Variants in APC observed in about 807,000 individuals in gnomAD.
The protein encoded by APC is APC regulator of Wnt signaling pathway, also known as adenomatous polyposis coli protein.
Under a neutral mutation model 247.0 loss-of-function variants are expected in APC, and 72 were observed. The ratio of observed to expected loss-of-function variants is 0.29; its 90% CI spans 0.24 to 0.35. The LOEUF is 0.35. Among genes scored for constraint, APC ranks in the 10% least tolerant of loss-of-function variants. APC has a pLI of 1.00. For missense variants in APC, 3,400 were observed against 3,360.7 expected, an observed-to-expected ratio of 1.01 and a Z score of -0.29; for synonymous variants, 1,254 against 1,162.5, an observed-to-expected ratio of 1.08 and a Z score of -1.60.
chr5:112,707,647 C>T lies in APC; in HGVS notation c.-71C>T, dbSNP rs544132569. On this transcript the variant is annotated 5_prime_UTR_variant, in exon 1 of 14. Transcript: ENST00000507379. ...ACCGAGGTTGGCTCGATGCTGTTCC[C>T]AGGTACTGTTGTTGGCTGTTGGTGA... The T allele has an allele frequency of 1.5e-6, 2 of 1,361,026 alleles. No individual in the cohort carries two copies. Among genetic ancestry groups the T allele is most frequent in the Admixed American group, 2.2e-5 (1 of 45,980 alleles). The allele number at this position is 1,361,026 out of a possible 1,614,324, so 84.3% of individuals were successfully genotyped here.
At chr5:112,720,793 A>G (rs780742550) in intron 1 of APC, among the ~76,000 whole-genome samples, 3 of 152,190 alleles carry the variant, frequency 2.0e-5, no homozygotes, top group Non-Finnish European at 2.9e-5. Context: ...TTTAAAGTGA[A>G]ACCAGCTAGC....
intron 4 of APC, among the ~76,000 whole-genome samples, chr5:112,771,758 T>A (rs528852022): frequency 2.0e-4 from 31 of 152,340 alleles, no homozygotes; most frequent in African/African-American, 7.5e-4. Context: ...GTTATATTAC[T>A]TCTTTGATGA....
chr5:112,744,493 A>C (rs1030117487), intron 1 of APC, among the ~76,000 whole-genome samples: 2 of 152,194 alleles, frequency 1.3e-5, no homozygotes. Flanking sequence ...AAAACACCCC[A>C]AGGTAAAATG....
At chr5:112,747,695 A>G (rs887831054) in intron 1 of APC, among the ~76,000 whole-genome samples, 1 of 152,244 alleles carries the variant, frequency 6.6e-6, no homozygotes, top group Non-Finnish European at 1.5e-5. Flanking sequence ...TCAAATTGAC[A>G]TTGTAACAAG....
At chr5:112,710,500 T>C (rs1402239481) in intron 1 of APC, among the ~76,000 whole-genome samples, 1 of 152,176 alleles carries the variant, frequency 6.6e-6, no homozygotes, top group Non-Finnish European at 1.5e-5. Flanking sequence ...TTTCTTTCTC[T>C]AGAAACTGTC....
chr5:112,735,760 T>C (rs930683578), upstream of APC, among the ~76,000 whole-genome samples: 1 of 152,186 alleles, frequency 6.6e-6, no homozygotes, highest in African/African-American at 2.4e-5. Flanking sequence ...TACTGAGTAA[T>C]TGGCAACATA....
At chr5:112,837,503 C>G (rs1431780021) in intron 15 of APC, 50 bp from the exon 16 acceptor site, 1 of 1,350,966 alleles carries the variant, frequency 7.4e-7, no homozygotes, top group South Asian at 1.2e-5. Flanking sequence ...TTTGTTGTTA[C>G]TGCATACACA....
intron 11 of APC, among the ~76,000 whole-genome samples, chr5:112,825,381 G>A (rs909580996): frequency 9.9e-5 from 15 of 152,166 alleles, no homozygotes; most frequent in African/African-American, 2.2e-4. Context: ...CTTTTTCTGC[G>A]TAAAATCTTT....
At chr5:112,811,602 C>G (rs1761989571) in intron 8 of APC, among the ~76,000 whole-genome samples, 1 of 152,084 alleles carries the variant, frequency 6.6e-6, no homozygotes, top group African/African-American at 2.4e-5. Flanking sequence ...AATCCAGGAG[C>G]TATATAGGAA....
chr5:112,718,249 T>C (rs1666416931), intron 1 of APC, among the ~76,000 whole-genome samples: 1 of 152,144 alleles, frequency 6.6e-6, no homozygotes, highest in African/African-American at 2.4e-5. Flanking sequence ...TTCAGTTGTG[T>C]TGTAGAAATA....
chr5:112,811,473 C>G (rs1761975614), intron 8 of APC, among the ~76,000 whole-genome samples: 1 of 152,192 alleles, frequency 6.6e-6, no homozygotes, highest in Non-Finnish European at 1.5e-5. Flanking sequence ...AAGAAAGACT[C>G]TCATGGACCA....
intron 8 of APC, among the ~76,000 whole-genome samples, chr5:112,809,093 T>C (rs1580484447): frequency 6.6e-6 from 1 of 152,112 alleles, no homozygotes; most frequent in African/African-American, 2.4e-5. Context: ...AGCTCATGCC[T>C]GTAATCCCAG....
intron 8 of APC, among the ~76,000 whole-genome samples, chr5:112,806,836 C>A (rs2149730577): frequency 6.6e-6 from 1 of 152,176 alleles, no homozygotes; most frequent in Non-Finnish European, 1.5e-5. Context: ...CATTGGCCTC[C>A]CAAAGTGCTA....
chr5:112,778,131 T>C (rs2149627566), intron 5 of APC: 1 of 211,078 alleles, frequency 4.7e-6, no homozygotes. Context: ...TTCATCTTTT[T>C]TACTCTTTCC....
At chr5:112,713,517 A>T (rs780162718) in intron 1 of APC, among the ~76,000 whole-genome samples, 9 of 152,184 alleles carry the variant, frequency 5.9e-5, no homozygotes, top group Non-Finnish European at 1.3e-4. Flanking sequence ...TCAGTCTAGG[A>T]AGAGGGTAAG....
intron 8 of APC, among the ~76,000 whole-genome samples, chr5:112,808,451 TTTTG>T: frequency 6.6e-6 from 1 of 151,672 alleles, no homozygotes; most frequent in East Asian, 2.0e-4. Flanking sequence ...TTTTCTGGGG[TTTTG>T]TTTTTGTTTT....
At chr5:112,768,392 C>T (rs1213657237) in intron 4 of APC, among the ~76,000 whole-genome samples, 1 of 150,336 alleles carries the variant, frequency 6.7e-6, no homozygotes, top group Non-Finnish European at 1.5e-5. Flanking sequence ...AAAGTAGTAA[C>T]TGGATTTTTA....
At chr5:112,738,995 G>T (rs145928269) in intron 1 of APC, among the ~76,000 whole-genome samples, 1 of 152,110 alleles carries the variant, frequency 6.6e-6, no homozygotes, top group East Asian at 1.9e-4. Flanking sequence ...ACTTTACAAC[G>T]TAAATTACTT....
intron 4 of APC, among the ~76,000 whole-genome samples, chr5:112,768,297 G>A (rs966822542): frequency 4.0e-5 from 6 of 150,470 alleles, no homozygotes; most frequent in South Asian, 4.2e-4. Flanking sequence ...CCCCTGCCTC[G>A]GCCTTCTAAA....
Sources: gnomAD v4.1 joint callset for allele counts (sites outside exome capture counted in the v4.1 genomes callset) on GRCh38, gnomAD v4.1.1 for gene constraint, MANE v1.5 for transcripts, NCBI Gene and HGNC (gene_info 2026-07-23, HGNC 2026-07-21) for gene names.